Variants in TUBGCP4 observed in about 807,000 individuals in gnomAD.
TUBGCP4 encodes the protein tubulin gamma complex component 4.
TUBGCP4 carries 54 observed loss-of-function variants against 91.6 expected under a neutral mutation model. The observed-to-expected ratio is 0.59, with a 90% confidence interval of 0.47 to 0.74. The LOEUF (loss-of-function observed/expected upper bound fraction) is 0.74. Among genes scored for constraint, TUBGCP4 ranks in the 30% least tolerant of loss-of-function variants. TUBGCP4 has a pLI of 0.00. For missense variants in TUBGCP4, 593 were observed against 800.9 expected (o/e 0.74, Z 3.13); for synonymous variants, 297 against 302.8 (o/e 0.98, Z 0.20).
In TUBGCP4 at chr15:43,398,102, T is replaced by C. The variant is rs999025; in HGVS notation, c.1341T>C (p.Ser447=). 9.3e-3 allele frequency: 15,020 copies of C among 1,614,132 alleles called. 648 individuals carry two copies. In the East Asian group the frequency reaches 0.12, roughly 12 times the overall value. Residue 447 remains serine (S), a synonymous_variant, in exon 13 of 18, where the codon TCT becomes TCC. Transcript: ENST00000564079. ...RETSPREAPA[S]GWAALGLSYK... is the part of the protein sequence containing the mutation. The stretch of plus-strand genomic sequence containing the variant: ...CTTCTCCCCGGGAAGCCCCTGCATC[T>C]GGCTGGGCAGCCCTAGGTCTTTCCT...
chr15:43,377,652 C>CCT, intron 4 of TUBGCP4, 195 bp from the exon 5 acceptor site: 1 of 509,762 alleles, frequency 2.0e-6, no homozygotes, highest in Non-Finnish European at 3.4e-6. Flanking sequence ...AAAGAAACTG[C>CCT]CTCTCTCTGC....
chr15:43,373,639 C>T (rs1423267532), intron 1 of TUBGCP4, among the ~76,000 whole-genome samples: 1 of 150,588 alleles, frequency 6.6e-6, no homozygotes, highest in Non-Finnish European at 1.5e-5. Context: ...CTCCAGAGAC[C>T]AGGTTCTTTT....
In TUBGCP4 at chr15:43,371,167, C is replaced by T. The variant is rs977830437; in HGVS notation, c.-188C>T. 3.2e-6 allele frequency: 2 copies of T among 634,274 alleles called. No homozygotes were observed. The highest frequency in any genetic ancestry group is 3.7e-5 in the African/African-American group (2 of 54,474). The allele number at this position is 634,274 out of a possible 1,614,324, so 39.3% of individuals were successfully genotyped here. A position where few individuals can be genotyped will look rare whatever the true frequency, so the allele number is the denominator to read the frequency against. ...TTGAGCTGCCGAACTTCCGGGACTC[C>T]CCCGCGACCCCTTCCCAGCTTCCCG... On this transcript the variant is annotated 5_prime_UTR_variant, in exon 1 of 18. Coordinates refer to ENST00000564079, the MANE Select transcript of TUBGCP4 (RefSeq NM_014444.5).
chr15:43,379,662 AG>A (rs2044259527), intron 5 of TUBGCP4, among the ~76,000 whole-genome samples: 1 of 151,586 alleles, frequency 6.6e-6, no homozygotes, highest in Non-Finnish European at 1.5e-5. Flanking sequence ...AAAAAAAAAA[AG>A]TCTGAAGAAC....
chr15:43,398,086 G>T lies in TUBGCP4; in HGVS notation c.1325G>T (p.Arg442Leu). 1 of 1,613,930 alleles carries T rather than the reference G, an allele frequency of 6.2e-7. No individual in the cohort carries two copies. Among genetic ancestry groups the T allele is most frequent in the Middle Eastern group, 1.7e-4 (1 of 6,040 alleles). Residue 442 changes from arginine (R) to leucine (L), a missense_variant, in exon 13 of 18, where the codon CGG (arginine) becomes CTG (leucine). Transcript: ENST00000564079. ...GGGCCTTCTCGGGAAACTTCTCCCCGGGAAGCCCCTGCATCTGGCTGGGCA... is the reference window on the plus strand; with the variant it reads ...GGGCCTTCTCGGGAAACTTCTCCCCTGGAAGCCCCTGCATCTGGCTGGGCA... The part of the protein sequence containing the change: ...REGPSRETSP[R>L]EAPASGWAAL...
chr15:43,407,867 TGGACCACAAGGCCTA>T lies in TUBGCP4; in HGVS notation c.*2654_*2668del. The T allele has an allele frequency of 6.9e-7, 1 of 1,443,116 alleles. No individual in the cohort carries two copies. The highest frequency in any genetic ancestry group is 9.3e-7 in the Non-Finnish European group (1 of 1,069,666). 89.4% of individuals were successfully genotyped at this position (1,443,116 alleles called of 1,614,324 possible). A position where few individuals can be genotyped will look rare whatever the true frequency, so the allele number is the denominator to read the frequency against. On this transcript the variant is annotated 3_prime_UTR_variant, in exon 18 of 18. Coordinates refer to ENST00000564079, the MANE Select transcript of TUBGCP4 (RefSeq NM_014444.5). ...CGGTCAACCTATTAGGCCTGAGCCT[TGGACCACAAGGCCTA>T]ACACCTACAGGTCTAAGGAGATCCC...
At chr15:43,381,153 T>C (rs1045264738) in intron 6 of TUBGCP4, among the ~76,000 whole-genome samples, 2 of 152,168 alleles carry the variant, frequency 1.3e-5, no homozygotes, top group Admixed American at 1.3e-4. Flanking sequence ...GAGTAAATCC[T>C]CCAGAACATT....
In TUBGCP4 at chr15:43,409,590, C is replaced by A; in HGVS notation, c.*4376C>A. ...ACCCCTCCCAGGCCTCTTCTCAACA[C>A]AGCAAGTTGGCTCTTATCATTGCCA... On this transcript the variant is annotated 3_prime_UTR_variant, in exon 18 of 18. Transcript: ENST00000564079. 1.0e-6 allele frequency: 1 copy of A among 990,388 alleles called. No individual in the cohort carries two copies. The highest frequency in any genetic ancestry group is 1.8e-5 in the South Asian group (1 of 54,258). The allele number at this position is 990,388 out of a possible 1,614,324, so 61.4% of individuals were successfully genotyped here.
Position 43,405,299 on chromosome 15 carries a change from CAAAT to C in TUBGCP4, c.*91_*94del, listed in dbSNP as rs529662813. 5.1e-5 allele frequency: 75 copies of C among 1,478,352 alleles called. No homozygotes were observed. The East Asian group carries it at 1.1e-3, about 22-fold the overall frequency. 91.6% of individuals were successfully genotyped at this position (1,478,352 alleles called of 1,614,324 possible). ...CAAAACATCCCATTCTAGCCACACA[CAAAT>C]AAATATCTGCGGCTTAGTGATAGGA... is the stretch of plus-strand genomic sequence containing the variant. On this transcript the variant is annotated 3_prime_UTR_variant, in exon 18 of 18. Coordinates refer to ENST00000564079, the MANE Select transcript of TUBGCP4 (RefSeq NM_014444.5).
intron 8 of TUBGCP4, 70 bp from the exon 9 acceptor site, chr15:43,386,136 C>T (rs750842448): frequency 1.2e-5 from 19 of 1,549,144 alleles, no homozygotes; most frequent in African/African-American, 1.4e-5. Context: ...TGAGATTAGC[C>T]CTCCCCAGAA....
intron 9 of TUBGCP4, 130 bp downstream of exon 9, chr15:43,386,460 C>G (rs1280803082): frequency 7.1e-6 from 1 of 140,814 alleles, no homozygotes; most frequent in African/African-American, 2.9e-5. Flanking sequence ...CGCAGTGGCT[C>G]ACGCATGCAG....
At position 43,399,440 on chromosome 15, in the gene TUBGCP4, G is replaced by A. The variant is rs555116061; in HGVS notation, c.1419-604G>A. Among the ~76,000 whole-genome samples, 185 of 152,256 alleles carry A rather than the reference G, an allele frequency of 1.2e-3. 1 individual carries two copies. The highest frequency in any genetic ancestry group is 2.0e-3 in the Non-Finnish European group (134 of 68,014). On this transcript the variant is annotated intron_variant, in intron 13 of 17. Transcript: ENST00000564079. ...AGCACACTGCAGCCTTGAACCCTGG[G>A]TTCAAGCAATCTTCCTGCCTCAACC...
chr15:43,377,002 T>A lies in TUBGCP4; in HGVS notation c.331-12T>A. On this transcript the variant is annotated splice_polypyrimidine_tract_variant and intron_variant, in intron 3 of 17. Transcript: ENST00000564079. ...TTGTGTGGAGCTCTAATCACAAAGTTTTTTATTGCAGTTCCTGGGTGATCC... is the reference window on the plus strand; with the variant it reads ...TTGTGTGGAGCTCTAATCACAAAGTATTTTATTGCAGTTCCTGGGTGATCC... 3 of 1,611,840 alleles carry A rather than the reference T, an allele frequency of 1.9e-6. No individual in the cohort carries two copies. The highest frequency in any genetic ancestry group is 2.5e-6 in the Non-Finnish European group (3 of 1,178,102).
intron 3 of TUBGCP4, 109 bp from the exon 4 acceptor site, chr15:43,376,905 C>A: frequency 9.5e-7 from 1 of 1,047,326 alleles, no homozygotes; most frequent in Non-Finnish European, 1.5e-6. Context: ...TTCTCGATAG[C>A]CTAAAATTAA....
At chr15:43,387,963 C>T (rs1335308316) in intron 9 of TUBGCP4, among the ~76,000 whole-genome samples, 2 of 152,200 alleles carry the variant, frequency 1.3e-5, no homozygotes, top group East Asian at 1.9e-4. Flanking sequence ...ATTCACGTGC[C>T]TCAGCCTCCT....
intron 7 of TUBGCP4, among the ~76,000 whole-genome samples, chr15:43,384,308 A>G (rs1470837684): frequency 6.6e-6 from 1 of 152,238 alleles, no homozygotes; most frequent in Non-Finnish European, 1.5e-5. Flanking sequence ...GGGAAGAGAT[A>G]TAGAAAAGTA....
At chr15:43,393,359 G>A (rs779927697) in intron 9 of TUBGCP4, among the ~76,000 whole-genome samples, 16 of 151,534 alleles carry the variant, frequency 1.1e-4, no homozygotes, top group African/African-American at 1.7e-4. Context: ...ACAGGCACCC[G>A]CCACCACGCC....
intron 5 of TUBGCP4, 118 bp from the exon 6 acceptor site, chr15:43,379,966 G>A: frequency 2.1e-6 from 2 of 954,706 alleles, no homozygotes; most frequent in Non-Finnish European, 1.7e-6. Context: ...AATCTTAGGA[G>A]AAAGTTTATC....
Position 43,404,475 on chromosome 15 carries a change from CA to C in TUBGCP4, c.1913del (p.Asn638ThrfsTer11), listed in dbSNP as rs1194584023. On this transcript the variant is annotated frameshift_variant, in exon 17 of 18. Transcript: ENST00000564079. LOFTEE classifies it high-confidence loss of function. ...ILSSVRNHQINSDLAQLLLRL... is the reference protein window; with the variant it reads ...ILSSVRNHQIXSDLAQLLLRL... ...TCTCCAGTGTTCGGAATCATCAGAT[CA>C]ACTCAGATTTGGCTCAACTACTGTT... 1.2e-6 allele frequency: 2 copies of C among 1,614,036 alleles called. No homozygotes were observed. Among genetic ancestry groups the C allele is most frequent in the Non-Finnish European group, 1.7e-6 (2 of 1,180,034 alleles).
Sources: gnomAD v4.1 joint callset for allele counts (sites outside exome capture counted in the v4.1 genomes callset) on GRCh38, gnomAD v4.1.1 for gene constraint, MANE v1.5 for transcripts, NCBI Gene and HGNC (gene_info 2026-07-23, HGNC 2026-07-21) for gene names.